OR2F1: variants seen among roughly 807,000 people sequenced by gnomAD.
OR2F1 encodes the protein olfactory receptor family 2 subfamily F member 1.
For synonymous variants in OR2F1, 146 were observed against 155.3 expected (o/e 0.94, Z 0.44); for missense variants, 389 against 378.2 (o/e 1.03, Z -0.24).
Position 143,961,619 on chromosome 7 carries a change from C to T in OR2F1, c.*695C>T, listed in dbSNP as rs1194093434. ...AAGTTAAGCTTCAGGTGCTTCTTGA[C>T]AGTATTCAAACAGTTTGAGAAGGAT... On this transcript the variant is annotated 3_prime_UTR_variant, in exon 3 of 3. Transcript: ENST00000641412. 1 of 152,230 alleles carries T rather than the reference C, an allele frequency of 6.6e-6. No individual in the cohort carries two copies. The highest frequency in any genetic ancestry group is 1.5e-5 in the Non-Finnish European group (1 of 68,100). The allele number at this position is 152,230 out of a possible 1,614,324, so 9.4% of individuals were successfully genotyped here. A position where few individuals can be genotyped will look rare whatever the true frequency, so the allele number is the denominator to read the frequency against.
At chr7:143,955,144 TA>T in intron 1 of OR2F1, 41 bp downstream of exon 1, 1 of 152,308 alleles carries the variant, frequency 6.6e-6, no homozygotes, top group Middle Eastern at 3.4e-3. Flanking sequence ...ATAAAAATTG[TA>T]TATATTTATG....
In OR2F1 at chr7:143,962,175, A is replaced by G. The variant is rs542568043; in HGVS notation, c.*1251A>G. The G allele has an allele frequency of 3.5e-4, 54 of 152,352 alleles. No individual in the cohort carries two copies. The highest frequency in any genetic ancestry group is 1.3e-3 in the African/African-American group (54 of 41,582). The allele number at this position is 152,352 out of a possible 1,614,324, so 9.4% of individuals were successfully genotyped here. On this transcript the variant is annotated 3_prime_UTR_variant, in exon 3 of 3. Transcript: ENST00000641412. Reference sequence around the variant, plus strand: ...TTAAGTCAGTTGATTTGCAGTTCTTACATTTGTCAACACATCATCATAGAA... The same window carrying G: ...TTAAGTCAGTTGATTTGCAGTTCTTGCATTTGTCAACACATCATCATAGAA...
In OR2F1 at chr7:143,960,858, G is replaced by A; in HGVS notation, c.888G>A (p.Glu296=). The A allele has an allele frequency of 6.2e-7, 1 of 1,613,946 alleles. No individual in the cohort carries two copies. Among genetic ancestry groups the A allele is most frequent in the Non-Finnish European group, 8.5e-7 (1 of 1,179,970 alleles). The change falls in exon 3 of 3, where the codon GAG becomes GAA. Residue 296 remains glutamate, a synonymous_variant. Coordinates refer to ENST00000641412, the MANE Select transcript of OR2F1 (RefSeq NM_012369.3). ...TGATTTACAGCCTAAGGAATAAAGA[G>A]GTGAAGGGGGCCTGGCAGAAACTAT... is the stretch of plus-strand genomic sequence containing the variant. ...NPMIYSLRNK[E]VKGAWQKLLW...
Position 143,960,560 on chromosome 7 carries a change from T to C in OR2F1, c.590T>C (p.Val197Ala), listed in dbSNP as rs772561948. ...LACVDTSSNE[V>A]TIMVSSIVLL... ...TGTGTGGACACCTCCTCCAATGAGG[T>C]CACCATCATGGTGTCTAGCATTGTT... Residue 197 changes from valine to alanine, a missense_variant, in exon 3 of 3, where the codon GTC (valine) becomes GCC (alanine). Coordinates refer to ENST00000641412, the MANE Select transcript of OR2F1 (RefSeq NM_012369.3). 15 of 1,614,182 alleles carry C rather than the reference T, an allele frequency of 9.3e-6. No homozygotes were observed. Among genetic ancestry groups the C allele is most frequent in the Middle Eastern group, 1.7e-4 (1 of 6,060 alleles).
At position 143,962,892 on chromosome 7, in the gene OR2F1, T is replaced by C. The variant is rs925233676; in HGVS notation, c.*1968T>C. ...CAAATGAGATAGTGGAAGAAAAGAT[T>C]AGAGGCAAGATGACCAGCCTGTCTG... On this transcript the variant is annotated 3_prime_UTR_variant, in exon 3 of 3. Transcript: ENST00000641412. 3 of 152,220 alleles carry C rather than the reference T, an allele frequency of 2.0e-5. No individual in the cohort carries two copies. Among genetic ancestry groups the C allele is most frequent in the African/African-American group, 4.8e-5 (2 of 41,456 alleles). 9.4% of individuals were successfully genotyped at this position (152,220 alleles called of 1,614,324 possible).
rs371407456 is a variant in OR2F1 at position 143,956,126 on chromosome 7, G to T, written c.-180+1023G>T. Among the ~76,000 whole-genome samples, 210 of 151,282 alleles carry T rather than the reference G, an allele frequency of 1.4e-3. 5 individuals are homozygous for T. The South Asian group carries it at 0.041, about 30-fold the overall frequency. On this transcript the variant is annotated intron_variant, in intron 1 of 2. Transcript: ENST00000641412. Reference sequence around the variant, plus strand: ...ATGTCACCGGTGTAGGGAAAGTATAGATTCCACAGATTAGAGCAGTAAAGA... The same window carrying T: ...ATGTCACCGGTGTAGGGAAAGTATATATTCCACAGATTAGAGCAGTAAAGA...
intron 1 of OR2F1, among the ~76,000 whole-genome samples, chr7:143,958,667 T>G (rs1173298907): frequency 3.9e-5 from 6 of 152,164 alleles, no homozygotes; most frequent in Non-Finnish European, 8.8e-5. Flanking sequence ...AGAACGCTTA[T>G]GAAGAGGCAG....
At chr7:143,955,748 A>AT (rs2116933305) in intron 1 of OR2F1, among the ~76,000 whole-genome samples, 1 of 152,276 alleles carries the variant, frequency 6.6e-6, no homozygotes, top group South Asian at 2.1e-4. Context: ...GTTATTTTCA[A>AT]TGGTCAAAAG....
Position 143,960,942 on chromosome 7 carries a change from G to C in OR2F1, c.*18G>C, listed in dbSNP as rs1321664042. 3.2e-6 allele frequency: 5 copies of C among 1,570,114 alleles called. No homozygotes were observed. The highest frequency in any genetic ancestry group is 4.3e-6 in the Non-Finnish European group (5 of 1,154,636). ...CAACTTGACTCATGAGTATGACTTA[G>C]AGAAAACAGCTTTGCCTCAGTGTTC... On this transcript the variant is annotated 3_prime_UTR_variant, in exon 3 of 3. Transcript: ENST00000641412.
intron 1 of OR2F1, among the ~76,000 whole-genome samples, chr7:143,955,679 G>A (rs898407750): frequency 2.0e-5 from 3 of 152,100 alleles, no homozygotes; most frequent in African/African-American, 7.2e-5. Flanking sequence ...TGTTTATGGA[G>A]GTGAACCACA....
intron 1 of OR2F1, among the ~76,000 whole-genome samples, chr7:143,958,335 T>C (rs1247707932): frequency 1.3e-5 from 2 of 151,678 alleles, no homozygotes; most frequent in African/African-American, 4.8e-5. Context: ...ATTCTCAGCC[T>C]CATTATGATT....
intron 2 of OR2F1, 61 bp from the exon 3 acceptor site, chr7:143,959,887 T>C (rs2050310879): frequency 6.9e-6 from 8 of 1,157,320 alleles, no homozygotes; most frequent in Non-Finnish European, 9.9e-6. Flanking sequence ...CAGAATGCAT[T>C]CAAACAAGTA....
intron 2 of OR2F1, among the ~76,000 whole-genome samples, chr7:143,959,412 T>C (rs1015370132): frequency 6.6e-6 from 1 of 152,220 alleles, no homozygotes; most frequent in African/African-American, 2.4e-5. Flanking sequence ...CTCTTGTATA[T>C]ATAATGTTTA....
rs1246683321 is a variant in OR2F1 at position 143,954,858 on chromosome 7, A to C, written c.-425A>C. ...TTAATTTTTATAATAAAGAAAATAG[A>C]TTCCATGGAATCAATGAATTGATTT... On this transcript the variant is annotated 5_prime_UTR_variant, in exon 1 of 3. Transcript: ENST00000641412. The C allele has an allele frequency of 1.3e-5, 2 of 152,230 alleles. No individual in the cohort carries two copies. Among genetic ancestry groups the C allele is most frequent in the East Asian group, 3.8e-4 (2 of 5,202 alleles). The allele number at this position is 152,230 out of a possible 1,614,324, so 9.4% of individuals were successfully genotyped here. A position where few individuals can be genotyped will look rare whatever the true frequency, so the allele number is the denominator to read the frequency against.
chr7:143,958,701 T>C (rs570734134), intron 1 of OR2F1, among the ~76,000 whole-genome samples: 1 of 150,396 alleles, frequency 6.6e-6, no homozygotes, highest in East Asian at 1.9e-4. Flanking sequence ...AGGAATTGGT[T>C]CTATTTTTTT....
In OR2F1 at chr7:143,960,980, A is replaced by G; in HGVS notation, c.*56A>G. 1.5e-6 allele frequency: 2 copies of G among 1,361,080 alleles called. No homozygotes were observed. 84.3% of individuals were successfully genotyped at this position (1,361,080 alleles called of 1,614,324 possible). Reference sequence around the variant, plus strand: ...TGCCTCAGTGTTCTCCACCCAGCTGAGATCTGACAGGTGTAAACTACATTG... The same window carrying G: ...TGCCTCAGTGTTCTCCACCCAGCTGGGATCTGACAGGTGTAAACTACATTG... On this transcript the variant is annotated 3_prime_UTR_variant, in exon 3 of 3. Coordinates refer to ENST00000641412, the MANE Select transcript of OR2F1 (RefSeq NM_012369.3).
chr7:143,958,053 G>A (rs548587426), intron 1 of OR2F1, among the ~76,000 whole-genome samples: 3 of 152,226 alleles, frequency 2.0e-5, no homozygotes, highest in Admixed American at 6.5e-5. Flanking sequence ...TCTCCAGTGC[G>A]GCAGAGGAGC....
chr7:143,961,310 TCCA>T lies in OR2F1; in HGVS notation c.*387_*389del, dbSNP rs1359438855. The T allele has an allele frequency of 5.7e-6, 1 of 174,492 alleles. No individual in the cohort carries two copies. The highest frequency in any genetic ancestry group is 5.5e-5 in the Admixed American group (1 of 18,210). The allele number at this position is 174,492 out of a possible 1,614,324, so 10.8% of individuals were successfully genotyped here. On this transcript the variant is annotated 3_prime_UTR_variant, in exon 3 of 3. Transcript: ENST00000641412. ...ACATTTTATAAAAGGTTATGGGGCTTCCATTGAAAACAAAATGCATTTTTACAT... is the reference window on the plus strand; with the variant it reads ...ACATTTTATAAAAGGTTATGGGGCTTTTGAAAACAAAATGCATTTTTACAT...
In OR2F1 at chr7:143,963,371, A is replaced by G. The variant is rs771709734; in HGVS notation, c.*2447A>G. The G allele has an allele frequency of 3.9e-5, 6 of 152,234 alleles. No individual in the cohort carries two copies. Among genetic ancestry groups the G allele is most frequent in the Non-Finnish European group, 5.9e-5 (4 of 68,044 alleles). 9.4% of individuals were successfully genotyped at this position (152,234 alleles called of 1,614,324 possible). A position where few individuals can be genotyped will look rare whatever the true frequency, so the allele number is the denominator to read the frequency against. ...TGTTGGGGTTCTTCCTGGAAGGGTT[A>G]TCCAAGTCTTGATATCTCAGGAAGC... On this transcript the variant is annotated 3_prime_UTR_variant, in exon 3 of 3. Transcript: ENST00000641412.
Sources: allele counts gnomAD v4.1 joint callset (sites outside exome capture counted in the v4.1 genomes callset), GRCh38; gene constraint gnomAD v4.1.1; transcripts MANE v1.5; gene names NCBI Gene and HGNC (gene_info 2026-07-23, HGNC 2026-07-21).